The following CIAO2A variants were observed in gnomAD, a reference collection of about 807,000 sequenced individuals.
The protein encoded by CIAO2A is MIP18 family protein FAM96A.
In CIAO2A, 17 loss-of-function variants were observed where a neutral mutation model predicts 22.4. The observed-to-expected ratio is 0.76, with a 90% CI of 0.52 to 1.14. CIAO2A has a LOEUF of 1.14. Among genes scored for constraint, CIAO2A ranks in the 50% most tolerant of loss-of-function variants. CIAO2A has a pLI of 0.00. For missense variants in CIAO2A, 192 were observed against 191.4 expected (o/e 1.00, Z -0.02); for synonymous variants, 74 against 72.3 (o/e 1.02, Z -0.12).
At chr15:64,091,185 T>C (rs1472582794) in intron 1 of CIAO2A, among the ~76,000 whole-genome samples, 1 of 152,160 alleles carries the variant, frequency 6.6e-6, no homozygotes, top group Non-Finnish European at 1.5e-5. Context: ...GTCACTTGAT[T>C]AGAAACAGAA....
intron 4 of CIAO2A, 72 bp from the exon 5 acceptor site, chr15:64,073,100 G>T: frequency 9.9e-7 from 1 of 1,010,146 alleles, no homozygotes; most frequent in Non-Finnish European, 1.5e-6. Context: ...ATTTTTATTA[G>T]CCTGCTGAAA....
rs1311786888 is a variant in CIAO2A, at chr15:64,093,743, G to A, written c.26C>T (p.Ser9Phe). 2.5e-6 allele frequency: 4 copies of A among 1,612,844 alleles called. No individual in the cohort carries two copies. Among genetic ancestry groups the A allele is most frequent in the East Asian group, 4.5e-5 (2 of 44,844 alleles). ...CCACAGGACTCTGCTCAGCGTCCAG[G>A]AGAGCAGCCCGGACACCCGCTGCAT... MQRVSGLL[S>F]WTLSRVLWLS... The change falls in exon 1 of 5, where the codon TCC becomes TTC. Residue 9 changes from serine (S) to phenylalanine (F), a missense_variant. Ser to Phe is a radical substitution (Grantham distance 155, BLOSUM62 -2). Transcript: ENST00000300030.
chr15:64,084,014 G>A (rs868137842), intron 2 of CIAO2A, among the ~76,000 whole-genome samples: 1 of 151,914 alleles, frequency 6.6e-6, no homozygotes, highest in Non-Finnish European at 1.5e-5. Context: ...AATGCATAAC[G>A]AAAGGGCTAA....
In CIAO2A at chr15:64,093,751, C is replaced by T. The variant is rs766820201; in HGVS notation, c.18G>A (p.Gly6=). 2.5e-6 allele frequency: 4 copies of T among 1,611,772 alleles called. No homozygotes were observed. In the East Asian group the frequency reaches 8.9e-5, roughly 36 times the overall value. The part of the protein sequence containing the change: MQRVS[G]LLSWTLSRVL... ...CTCTGCTCAGCGTCCAGGAGAGCAG[C>T]CCGGACACCCGCTGCATCTTCACGC... The change falls in exon 1 of 5, where the codon GGG becomes GGA. Residue 6 remains glycine, a synonymous_variant. Coordinates refer to ENST00000300030, the MANE Select transcript of CIAO2A (RefSeq NM_032231.7).
At chr15:64,093,601 C>T in intron 1 of CIAO2A, 44 bp downstream of exon 1, 1 of 1,591,574 alleles carries the variant, frequency 6.3e-7, no homozygotes, top group Non-Finnish European at 8.6e-7. Flanking sequence ...CAGCTCCGGC[C>T]TGCACCTATA....
In CIAO2A at chr15:64,073,068, T is replaced by A. The variant is rs1595949656; in HGVS notation, c.386-40A>T. The A allele has an allele frequency of 3.0e-6, 4 of 1,354,576 alleles. No homozygotes were observed. In the East Asian group the frequency reaches 9.2e-5, roughly 31 times the overall value. 83.9% of individuals were successfully genotyped at this position (1,354,576 alleles called of 1,614,324 possible). A position where few individuals can be genotyped will look rare whatever the true frequency, so the allele number is the denominator to read the frequency against. ...GACAAAAGTTAGCAGAAGAACTGTGTCAATATACAGCACCAGACAGTATTT... is the reference window on the plus strand; with the variant it reads ...GACAAAAGTTAGCAGAAGAACTGTGACAATATACAGCACCAGACAGTATTT... On this transcript the variant is annotated intron_variant, in intron 4 of 4. Coordinates refer to ENST00000300030, the MANE Select transcript of CIAO2A (RefSeq NM_032231.7).
chr15:64,093,833 T>A lies in CIAO2A; in HGVS notation c.-65A>T. The A allele has an allele frequency of 6.3e-7, 1 of 1,578,452 alleles. No individual in the cohort carries two copies. Among genetic ancestry groups the A allele is most frequent in the East Asian group, 2.3e-5 (1 of 44,220 alleles). ...CCACCGTCTCTCAGCAGCCTCGGGA[T>A]TGATCAACTTCCTGGTCTTCAAATG... On this transcript the variant is annotated 5_prime_UTR_variant, in exon 1 of 5. Transcript: ENST00000300030.
chr15:64,087,690 C>G (rs563504462), intron 2 of CIAO2A, among the ~76,000 whole-genome samples: 10 of 152,126 alleles, frequency 6.6e-5, no homozygotes, highest in Non-Finnish European at 1.3e-4. Flanking sequence ...GAAATAGCGA[C>G]CTTTTCAATC....
chr15:64,092,080 A>C (rs1263324522), intron 1 of CIAO2A, among the ~76,000 whole-genome samples: 1 of 151,728 alleles, frequency 6.6e-6, no homozygotes, highest in Non-Finnish European at 1.5e-5. Context: ...AAAAAAAAAA[A>C]AAAAAAAATT....
intron 3 of CIAO2A, among the ~76,000 whole-genome samples, chr15:64,075,742 C>A (rs1018328765): frequency 2.6e-5 from 4 of 151,606 alleles, no homozygotes; most frequent in Admixed American, 6.6e-5. Flanking sequence ...CCTCCGCCTC[C>A]TGGGTTCAAG....
chr15:64,083,456 G>A (rs1257461519), intron 2 of CIAO2A, among the ~76,000 whole-genome samples: 1 of 152,056 alleles, frequency 6.6e-6, no homozygotes, highest in African/African-American at 2.4e-5. Flanking sequence ...TGTTCCCTTG[G>A]AGTCTTCCTT....
At chr15:64,083,099 A>G (rs940040682) in intron 2 of CIAO2A, among the ~76,000 whole-genome samples, 4 of 150,304 alleles carry the variant, frequency 2.7e-5, no homozygotes, top group Non-Finnish European at 4.4e-5. Context: ...ATCACAATAT[A>G]TAGGGTTGCT....
intron 3 of CIAO2A, among the ~76,000 whole-genome samples, chr15:64,078,639 CAAA>C (rs56266808): frequency 5.9e-4 from 76 of 129,138 alleles, no homozygotes; most frequent in Non-Finnish European, 8.9e-4. Context: ...CCATCGCAAA[CAAA>C]AAAAAAAAAA....
At chr15:64,082,764 T>C (rs2080766804) in intron 2 of CIAO2A, among the ~76,000 whole-genome samples, 1 of 152,180 alleles carries the variant, frequency 6.6e-6, no homozygotes, top group African/African-American at 2.4e-5. Flanking sequence ...AAGCACTTTT[T>C]TGAGCATCAT....
At chr15:64,083,462 T>G (rs1442561269) in intron 2 of CIAO2A, among the ~76,000 whole-genome samples, 2 of 152,158 alleles carry the variant, frequency 1.3e-5, no homozygotes, top group Admixed American at 1.3e-4. Flanking sequence ...CTTGGAGTCT[T>G]CCTTGTCAAT....
At chr15:64,079,524 T>C (rs1203091109) in intron 3 of CIAO2A, among the ~76,000 whole-genome samples, 1 of 152,136 alleles carries the variant, frequency 6.6e-6, no homozygotes, top group Non-Finnish European at 1.5e-5. Context: ...AGACCCTGTC[T>C]CAACAGCAAA....
intron 3 of CIAO2A, among the ~76,000 whole-genome samples, chr15:64,077,284 C>T (rs190586839): frequency 4.7e-5 from 7 of 149,518 alleles, no homozygotes; most frequent in Admixed American, 3.4e-4. Flanking sequence ...GGTGACAGAG[C>T]GAGACTCCGT....
rs576044143 is a variant in CIAO2A at position 64,072,723 on chromosome 15, G to T, written c.*208C>A. 1 of 413,320 alleles carries T rather than the reference G, an allele frequency of 2.4e-6. No individual in the cohort carries two copies. The highest frequency in any genetic ancestry group is 4.3e-6 in the Non-Finnish European group (1 of 232,518). The allele number at this position is 413,320 out of a possible 1,614,324, so 25.6% of individuals were successfully genotyped here. Reference sequence around the variant, plus strand: ...ATAACTAGAAAATATTATTCTGTCTGATCATTTAAGTGTTACAAATCCTGA... The same window carrying T: ...ATAACTAGAAAATATTATTCTGTCTTATCATTTAAGTGTTACAAATCCTGA... On this transcript the variant is annotated 3_prime_UTR_variant, in exon 5 of 5. Coordinates refer to ENST00000300030, the MANE Select transcript of CIAO2A (RefSeq NM_032231.7).
chr15:64,089,852 T>C (rs943982030), intron 1 of CIAO2A, among the ~76,000 whole-genome samples: 6 of 152,160 alleles, frequency 3.9e-5, no homozygotes, highest in Non-Finnish European at 8.8e-5. Flanking sequence ...GGGTGGGGCA[T>C]AGAGCAAATG....
Sources: gnomAD v4.1 joint callset for allele counts (sites outside exome capture counted in the v4.1 genomes callset) on GRCh38, gnomAD v4.1.1 for gene constraint, MANE v1.5 for transcripts, NCBI Gene and HGNC (gene_info 2026-07-23, HGNC 2026-07-21) for gene names.